The following NOTCH2 variants were observed in gnomAD, a reference collection of about 807,000 sequenced individuals.
NOTCH2 encodes notch receptor 2, also known as neurogenic locus notch homolog protein 2.
NOTCH2 carries 29 observed loss-of-function variants against 235.8 expected under a neutral mutation model. That is an observed-to-expected ratio of 0.12 (90% CI 0.09 to 0.17). The LOEUF is 0.17. Among genes scored for constraint, NOTCH2 ranks in the 10% least tolerant of loss-of-function variants. The pLI, the probability that NOTCH2 is intolerant of heterozygous loss-of-function variation, is 1.00. For synonymous variants in NOTCH2, 1,086 were observed against 1,141.5 expected (o/e 0.95, Z 0.98); for missense variants, 2,285 against 3,150.2 (o/e 0.73, Z 6.57).
intron 22 of NOTCH2, among the ~76,000 whole-genome samples, chr1:119,931,284 T>C (rs970983935): frequency 1.3e-5 from 2 of 151,862 alleles, no homozygotes; most frequent in Admixed American, 1.3e-4. Context: ...TCACAAGAAA[T>C]GTGTTACACC....
intron 29 of NOTCH2, among the ~76,000 whole-genome samples, chr1:119,920,914 T>G (rs1167281150): frequency 6.6e-6 from 1 of 152,152 alleles, no homozygotes; most frequent in Non-Finnish European, 1.5e-5. Flanking sequence ...TCAATAATAA[T>G]AATCATGATA....
At chr1:120,063,866 T>C (rs1316587756) in intron 1 of NOTCH2, among the ~76,000 whole-genome samples, 2 of 152,210 alleles carry the variant, frequency 1.3e-5, no homozygotes, top group Non-Finnish European at 2.9e-5. Flanking sequence ...TAAGAGAGGT[T>C]AGGGAAACAC....
chr1:119,974,178 T>A (rs1048814199), intron 5 of NOTCH2, among the ~76,000 whole-genome samples: 2 of 152,204 alleles, frequency 1.3e-5, no homozygotes, highest in Non-Finnish European at 2.9e-5. Context: ...AAATCTTCAA[T>A]ACAAACAAGT....
At chr1:119,986,804 T>TAC (rs1428831291) in intron 5 of NOTCH2, among the ~76,000 whole-genome samples, 156 bp downstream of exon 5, 1 of 152,116 alleles carries the variant, frequency 6.6e-6, no homozygotes, top group Non-Finnish European at 1.5e-5. Flanking sequence ...ATGAGGTTAG[T>TAC]ACAATAAGCA....
At chr1:120,005,282 GT>G in intron 3 of NOTCH2, 46 bp downstream of exon 3, 1 of 1,613,894 alleles carries the variant, frequency 6.2e-7, no homozygotes, top group African/African-American at 1.3e-5. Context: ...CTAAATAAAG[GT>G]ATCTGCTGAA....
intron 3 of NOTCH2, among the ~76,000 whole-genome samples, chr1:119,997,769 T>C (rs1454867599): frequency 1.4e-5 from 2 of 147,726 alleles, no homozygotes; most frequent in Non-Finnish European, 3.0e-5. Context: ...AGGTAAGGAG[T>C]TCAAGACCAG....
intron 2 of NOTCH2, among the ~76,000 whole-genome samples, chr1:120,017,613 AT>A: frequency 6.6e-6 from 1 of 151,092 alleles, no homozygotes; most frequent in African/African-American, 2.4e-5. Flanking sequence ...GGGTTGAGCT[AT>A]TTACCTAAAG....
chr1:119,962,463 G>A (rs1418683117), intron 11 of NOTCH2, among the ~76,000 whole-genome samples: 2 of 152,190 alleles, frequency 1.3e-5, no homozygotes, highest in Non-Finnish European at 2.9e-5. Flanking sequence ...AATGTGGGGA[G>A]GGAAAGGCAT....
At chr1:119,971,540 G>C (rs587683230) in intron 5 of NOTCH2, among the ~76,000 whole-genome samples, 61 of 152,266 alleles carry the variant, frequency 4.0e-4, no homozygotes, top group African/African-American at 1.5e-3. Flanking sequence ...TGCACAGAGA[G>C]CCAGGCACAG....
Position 119,926,504 on chromosome 1 carries a change from G to T in NOTCH2, c.4000C>A (p.Pro1334Thr), listed in dbSNP as rs587728425. The change falls in exon 24 of 34, where the codon CCC (proline) becomes ACC (threonine). Residue 1334 changes from proline (P) to threonine (T), a missense_variant. Pro to Thr is a conservative substitution (Grantham distance 38, BLOSUM62 -1). Transcript: ENST00000256646. The part of the protein sequence containing the change: ...NMPDGFICRC[P>T]PGFSGARCQS... Reference sequence around the variant, plus strand: ...ATGAGCAACAGGGCACTTACCGGGGGACAACGGCAAATGAAACCATCAGGC... The same window carrying T: ...ATGAGCAACAGGGCACTTACCGGGGTACAACGGCAAATGAAACCATCAGGC... 3 of 1,599,384 alleles carry T rather than the reference G, an allele frequency of 1.9e-6. No homozygotes were observed. The highest frequency in any genetic ancestry group is 1.1e-5 in the South Asian group (1 of 88,858).
chr1:120,009,727 C>T (rs1357973200), intron 2 of NOTCH2, among the ~76,000 whole-genome samples: 3 of 148,594 alleles, frequency 2.0e-5, no homozygotes, highest in Admixed American at 1.3e-4. Context: ...ACTCCACGCA[C>T]CGTTTTAATC....
chr1:119,953,655 G>A lies in NOTCH2; in HGVS notation c.2253C>T (p.Gly751=). 1.9e-6 allele frequency: 3 copies of A among 1,614,148 alleles called. No homozygotes were observed. The East Asian group carries it at 6.7e-5, about 36-fold the overall frequency. ...YKCLCDAGWV[G]INCEVDKNEC... is the part of the protein sequence containing the mutation. ...CATTTTTGTCCACTTCACAGTTGATGCCAACCCAGCCTGCATCACAGAGAC... is the reference window on the plus strand; with the variant it reads ...CATTTTTGTCCACTTCACAGTTGATACCAACCCAGCCTGCATCACAGAGAC... The change falls in exon 14 of 34, where the codon GGC becomes GGT. Residue 751 remains glycine, a synonymous_variant. Coordinates refer to ENST00000256646, the MANE Select transcript of NOTCH2 (RefSeq NM_024408.4).
chr1:119,915,162 T>TCC lies in NOTCH2; in HGVS notation c.*143_*144insGG. 6.0e-6 allele frequency: 5 copies of TCC among 834,332 alleles called. No individual in the cohort carries two copies. Among genetic ancestry groups the TCC allele is most frequent in the Non-Finnish European group, 9.9e-6 (5 of 504,060 alleles). The allele number at this position is 834,332 out of a possible 1,614,324, so 51.7% of individuals were successfully genotyped here. ...AAACTGACGAATTGCTTCTCTTGCATTATCTGAATAAGAACATCTTCTCTT... is the reference window on the plus strand; with the variant it reads ...AAACTGACGAATTGCTTCTCTTGCATCCTATCTGAATAAGAACATCTTCTCTT... On this transcript the variant is annotated 3_prime_UTR_variant, in exon 34 of 34. Coordinates refer to ENST00000256646, the MANE Select transcript of NOTCH2 (RefSeq NM_024408.4).
chr1:119,991,820 C>G (rs1553203112), intron 4 of NOTCH2, among the ~76,000 whole-genome samples: 1 of 106,664 alleles, frequency 9.4e-6, no homozygotes, highest in African/African-American at 5.3e-5. Flanking sequence ...GAGCGATGCT[C>G]CGTCTCAAAA....
At chr1:119,921,277 A>G (rs1158761369) in intron 29 of NOTCH2, among the ~76,000 whole-genome samples, 1 of 152,198 alleles carries the variant, frequency 6.6e-6, no homozygotes, top group Non-Finnish European at 1.5e-5. Context: ...GGAGCCTCCA[A>G]TGTCAACGTT....
chr1:120,014,497 C>G (rs1653348129), intron 2 of NOTCH2, among the ~76,000 whole-genome samples: 1 of 145,954 alleles, frequency 6.9e-6, no homozygotes, highest in South Asian at 2.1e-4. Flanking sequence ...TGTAGAAAAG[C>G]AAAGGAAGGA....
At chr1:120,061,098 CA>C (rs1189377822) in intron 1 of NOTCH2, among the ~76,000 whole-genome samples, 4 of 140,280 alleles carry the variant, frequency 2.9e-5, no homozygotes, top group Middle Eastern at 3.6e-3. Flanking sequence ...GAGAATTAAA[CA>C]AAAATGTCTT....
Position 119,925,382 on chromosome 1 carries a change from G to A in NOTCH2, c.4434C>T (p.Asn1478=), listed in dbSNP as rs974356805. The stretch of plus-strand genomic sequence containing the variant: ...CCGTGTTGCACAGCTCATCACACTG[G>A]TTGTTGATATAATCCCAGCAGGGAA... ...SPLPCWDYIN[N]QCDELCNTVE... The change falls in exon 25 of 34, where the codon AAC becomes AAT. Residue 1478 remains asparagine, a synonymous_variant. Coordinates refer to ENST00000256646, the MANE Select transcript of NOTCH2 (RefSeq NM_024408.4). 6.2e-7 allele frequency: 1 copy of A among 1,614,204 alleles called. No individual in the cohort carries two copies.
intron 15 of NOTCH2, among the ~76,000 whole-genome samples, chr1:119,949,684 C>T (rs182898597): frequency 6.6e-6 from 1 of 152,236 alleles, no homozygotes; most frequent in East Asian, 1.9e-4. Context: ...CGTGCCTGGC[C>T]TACTATTTCT....
Sources: allele counts gnomAD v4.1 joint callset (sites outside exome capture counted in the v4.1 genomes callset), GRCh38; gene constraint gnomAD v4.1.1; transcripts MANE v1.5; gene names NCBI Gene and HGNC (gene_info 2026-07-23, HGNC 2026-07-21).